WIPF1: variants seen among roughly 807,000 people sequenced by gnomAD.
WIPF1 encodes WAS/WASL interacting protein family member 1, also known as WAS/WASL-interacting protein family member 1.
Under a neutral mutation model 35.4 loss-of-function variants are expected in WIPF1, and 13 were observed. The observed-to-expected ratio is 0.37, with a 90% CI of 0.24 to 0.58. The LOEUF is 0.58. Ranked by LOEUF, WIPF1 falls within the 20% of genes least tolerant of loss-of-function variation. The pLI, the probability that WIPF1 is intolerant of heterozygous loss-of-function variation, is 0.74. For missense variants in WIPF1, 591 were observed against 667.0 expected, an observed-to-expected ratio of 0.89 and a Z score of 1.25; for synonymous variants, 267 against 266.3, an observed-to-expected ratio of 1.00 and a Z score of -0.02.
chr2:174,616,680 C>T (rs942365804), intron 1 of WIPF1, among the ~76,000 whole-genome samples: 11 of 152,264 alleles, frequency 7.2e-5, no homozygotes, highest in African/African-American at 2.6e-4. Flanking sequence ...GCAATAAAGA[C>T]CATGTTTTAC....
upstream of WIPF1, among the ~76,000 whole-genome samples, chr2:174,599,049 G>C (rs1196081515): frequency 6.6e-6 from 1 of 152,194 alleles, no homozygotes; most frequent in Non-Finnish European, 1.5e-5. Context: ...TGTAAAATCT[G>C]AATGTTGGGT....
At chr2:174,643,384 TA>T (rs1687338926) in intron 1 of WIPF1, among the ~76,000 whole-genome samples, 1 of 149,302 alleles carries the variant, frequency 6.7e-6, no homozygotes, top group African/African-American at 2.6e-5. Flanking sequence ...ATTTGTATTT[TA>T]AATTTTTAAA....
intron 5 of WIPF1, among the ~76,000 whole-genome samples, chr2:174,570,808 G>A (rs572684429): frequency 6.6e-6 from 1 of 152,124 alleles, no homozygotes; most frequent in African/African-American, 2.4e-5. Context: ...GACATAATAA[G>A]GTCTGTACGA....
intron 1 of WIPF1, among the ~76,000 whole-genome samples, chr2:174,657,349 C>G (rs548478435): frequency 6.6e-6 from 1 of 152,160 alleles, no homozygotes; most frequent in Non-Finnish European, 1.5e-5. Flanking sequence ...GAATAGCATG[C>G]CTCTTAAACC....
chr2:174,644,427 A>T (rs111854767), intron 1 of WIPF1, among the ~76,000 whole-genome samples: 182 of 149,534 alleles, frequency 1.2e-3, no homozygotes, highest in African/African-American at 3.4e-3. Context: ...ATCCATATTC[A>T]CTCCCCCACC....
chr2:174,634,237 C>T (rs895407547), intron 1 of WIPF1, among the ~76,000 whole-genome samples: 5 of 152,108 alleles, frequency 3.3e-5, no homozygotes, highest in East Asian at 1.9e-4. Context: ...CTGAATTCCA[C>T]GAAATAAGTT....
upstream of WIPF1, among the ~76,000 whole-genome samples, chr2:174,600,851 T>C (rs1574825858): frequency 6.6e-6 from 1 of 151,750 alleles, no homozygotes; most frequent in African/African-American, 2.4e-5. Flanking sequence ...TTGAAAATAG[T>C]GTTTGTTGAA....
Position 174,578,243 on chromosome 2 carries a change from A to C in WIPF1, c.182-2863T>G, listed in dbSNP as rs375115247. Among the ~76,000 whole-genome samples, 51 of 152,300 alleles carry C rather than the reference A, an allele frequency of 3.3e-4. 3 individuals carry two copies. Among genetic ancestry groups the C allele is most frequent in the East Asian group, 2.5e-3 (13 of 5,182 alleles). On this transcript the variant is annotated intron_variant, in intron 3 of 7. Coordinates refer to ENST00000679041, the MANE Select transcript of WIPF1 (RefSeq NM_001375834.1). Reference sequence around the variant, plus strand: ...CCCCTGGAATGCAAAAATCACCCTCAGTTGAAAACCACTAATGTACAGCTT... The same window carrying C: ...CCCCTGGAATGCAAAAATCACCCTCCGTTGAAAACCACTAATGTACAGCTT...
chr2:174,681,078 A>G (rs969013908), intron 1 of WIPF1, among the ~76,000 whole-genome samples: 5 of 152,252 alleles, frequency 3.3e-5, no homozygotes, highest in African/African-American at 9.6e-5. Context: ...CCAGAATTTG[A>G]TCTTACCTTG....
Position 174,575,355 on chromosome 2 carries a change from G to A in WIPF1, c.207C>T (p.Gly69=), listed in dbSNP as rs138616786. The part of the protein sequence containing the change: ...LDKPKGAGAG[G]GGGGFGGGGG... Reference sequence around the variant, plus strand: ...CGCCTCCACCAAAGCCACCACCACCGCCTCCAGCACCAGCTCCTTTAGGTT... The same window carrying A: ...CGCCTCCACCAAAGCCACCACCACCACCTCCAGCACCAGCTCCTTTAGGTT... The change falls in exon 4 of 8, where the codon GGC becomes GGT. Residue 69 remains glycine, a synonymous_variant. Coordinates refer to ENST00000679041, the MANE Select transcript of WIPF1 (RefSeq NM_001375834.1). The A allele has an allele frequency of 2.1e-5, 34 of 1,611,942 alleles. No individual in the cohort carries two copies. The highest frequency in any genetic ancestry group is 3.3e-5 in the Admixed American group (2 of 59,840).
Position 174,619,409 on chromosome 2 carries a change from C to T in WIPF1, c.-38-33798G>A, listed in dbSNP as rs563321169. ...CAGTGATTGTACCATTGCACGCCAGCCTGTGTGTCACAGTGAGACCCTTTC... is the reference window on the plus strand; with the variant it reads ...CAGTGATTGTACCATTGCACGCCAGTCTGTGTGTCACAGTGAGACCCTTTC... On this transcript the variant is annotated intron_variant, in intron 1 of 8. Coordinates refer to the WIPF1 transcript ENST00000272746. Among the ~76,000 whole-genome samples, 6 of 152,178 alleles carry T rather than the reference C, an allele frequency of 3.9e-5. No individual in the cohort carries two copies. In the South Asian group the frequency reaches 1.2e-3, roughly 32 times the overall value.
intron 1 of WIPF1, among the ~76,000 whole-genome samples, chr2:174,632,474 C>T (rs1168689871): frequency 2.6e-5 from 4 of 152,074 alleles, no homozygotes; most frequent in South Asian, 4.1e-4. Context: ...CTTTGGGAGG[C>T]TGAGGCGGGC....
Position 174,567,061 on chromosome 2 carries a change from A to G in WIPF1, c.1456+9T>C. ...GTGAATCTTCAAAAACCTTGGCAGA[A>G]ATACTCACTCCGGCTTTCGTTTCTT... On this transcript the variant is annotated intron_variant, in intron 7 of 7. Coordinates refer to ENST00000679041, the MANE Select transcript of WIPF1 (RefSeq NM_001375834.1). The G allele has an allele frequency of 6.2e-7, 1 of 1,613,706 alleles. No individual in the cohort carries two copies.
In WIPF1 at chr2:174,664,137, T is replaced by TCA. The variant is rs148539035; in HGVS notation, c.-39+18635_-39+18636dup. 5.5e-3 allele frequency among the ~76,000 whole-genome samples: 833 copies of TCA among 151,172 alleles called. 1 individual carries two copies. The highest frequency in any genetic ancestry group is 0.014 in the African/African-American group (570 of 41,302). ...CTCTCTGTCCCTCTGTCCCTCTCTCTCACACACACACACACACCCCAAGTG... is the reference window on the plus strand; with the variant it reads ...CTCTCTGTCCCTCTGTCCCTCTCTCTCACACACACACACACACACCCCAAGTG... On this transcript the variant is annotated intron_variant, in intron 1 of 8. Coordinates refer to the WIPF1 transcript ENST00000272746.
intron 1 of WIPF1, among the ~76,000 whole-genome samples, chr2:174,645,721 C>T (rs1687393866): frequency 6.6e-6 from 1 of 152,210 alleles, no homozygotes; most frequent in African/African-American, 2.4e-5. Context: ...GCCCTTTGAC[C>T]AGCTGTCTTC....
Position 174,635,635 on chromosome 2 carries a change from G to A in WIPF1, c.-39+47139C>T, listed in dbSNP as rs189346055. ...AAGTGGTGGTGTGTGGGAGTCAAAT[G>A]ATCTCCTGGACCAAGGGGAATATTC... On this transcript the variant is annotated intron_variant, in intron 1 of 8. Transcript: ENST00000272746. Among the ~76,000 whole-genome samples the A allele has an allele frequency of 5.5e-3, 811 of 147,440 alleles. 8 individuals carry two copies. The highest frequency in any genetic ancestry group is 0.018 in the Middle Eastern group (5 of 280).
chr2:174,564,182 A>T (rs1261538281), intron 7 of WIPF1, among the ~76,000 whole-genome samples: 1 of 152,118 alleles, frequency 6.6e-6, no homozygotes, highest in African/African-American at 2.4e-5. Flanking sequence ...GCAGAGGAAA[A>T]CTTGGTACTC....
intron 3 of WIPF1, among the ~76,000 whole-genome samples, chr2:174,580,881 C>T (rs1685215535): frequency 6.6e-6 from 1 of 152,158 alleles, no homozygotes; most frequent in Non-Finnish European, 1.5e-5. Flanking sequence ...GTCAATAGAA[C>T]ATGTATTATC....
chr2:174,574,984 A>G, intron 4 of WIPF1: 1 of 778,666 alleles, frequency 1.3e-6, no homozygotes, highest in African/African-American at 1.7e-5. Flanking sequence ...GTTACCCCCA[A>G]AGACACTGGG....
Sources: gnomAD v4.1 joint callset for allele counts (sites outside exome capture counted in the v4.1 genomes callset) on GRCh38, gnomAD v4.1.1 for gene constraint, MANE v1.5 for transcripts, NCBI Gene and HGNC (gene_info 2026-07-23, HGNC 2026-07-21) for gene names.